ATXN7L1: variants seen among roughly 807,000 people sequenced by gnomAD.
The protein encoded by ATXN7L1 is ataxin 7 like 1.
A neutral mutation model predicts 70.8 loss-of-function variants in ATXN7L1; 15 were observed. The observed-to-expected ratio is 0.21, with a 90% CI of 0.14 to 0.33. ATXN7L1 has a LOEUF of 0.33. Ranked by LOEUF, ATXN7L1 falls within the 10% of genes least tolerant of loss-of-function variation. ATXN7L1 has a pLI of 1.00. For missense variants in ATXN7L1, 975 were observed against 1,097.1 expected, an observed-to-expected ratio of 0.89 and a Z score of 1.57; for synonymous variants, 440 against 445.1, an observed-to-expected ratio of 0.99 and a Z score of 0.14.
intron 2 of ATXN7L1, among the ~76,000 whole-genome samples, chr7:105,842,573 T>C (rs1057496): frequency 4.6e-5 from 7 of 152,230 alleles, no homozygotes; most frequent in Admixed American, 4.6e-4. Context: ...ATAATTCTCA[T>C]TGTAGGATAT....
chr7:105,827,207 T>G (rs1810995012), intron 2 of ATXN7L1, among the ~76,000 whole-genome samples: 1 of 152,210 alleles, frequency 6.6e-6, no homozygotes, highest in South Asian at 2.1e-4. Flanking sequence ...TGAAACTGAC[T>G]TCTCTTGTTG....
chr7:105,667,225 G>A (rs577073113), intron 3 of ATXN7L1, among the ~76,000 whole-genome samples: 3 of 152,328 alleles, frequency 2.0e-5, no homozygotes, highest in African/African-American at 7.2e-5. Context: ...GGCCAAAGGA[G>A]ACCCAGAGAG....
intron 2 of ATXN7L1, among the ~76,000 whole-genome samples, chr7:105,853,079 G>A (rs569099752): frequency 2.0e-5 from 3 of 152,222 alleles, no homozygotes; most frequent in African/African-American, 7.2e-5. Context: ...AGGCAGGAAT[G>A]GGGAATTATT....
At chr7:105,842,163 T>C (rs894551182) in intron 2 of ATXN7L1, among the ~76,000 whole-genome samples, 1 of 151,584 alleles carries the variant, frequency 6.6e-6, no homozygotes, top group Non-Finnish European at 1.5e-5. Flanking sequence ...ATGTATATTG[T>C]CATCTTACAG....
chr7:105,808,621 GAAAAC>G (rs1009952392), intron 2 of ATXN7L1, among the ~76,000 whole-genome samples: 1 of 152,200 alleles, frequency 6.6e-6, no homozygotes, highest in African/African-American at 2.4e-5. Flanking sequence ...TAAGAAGAGA[GAAAAC>G]AAAACAAAAA....
At chr7:105,732,391 C>T (rs141855396) in intron 3 of ATXN7L1, among the ~76,000 whole-genome samples, 52 of 151,982 alleles carry the variant, frequency 3.4e-4, no homozygotes, top group Non-Finnish European at 4.7e-4. Context: ...CCAGTCTGGG[C>T]GACAATAAAA....
intron 3 of ATXN7L1, among the ~76,000 whole-genome samples, chr7:105,755,852 G>A (rs957700326): frequency 6.6e-6 from 1 of 152,212 alleles, no homozygotes; most frequent in African/African-American, 2.4e-5. Context: ...GATGCTCTGC[G>A]TTGGGAGGGA....
intron 2 of ATXN7L1, among the ~76,000 whole-genome samples, chr7:105,839,759 G>A (rs1322573686): frequency 6.6e-6 from 1 of 152,172 alleles, no homozygotes; most frequent in African/African-American, 2.4e-5. Context: ...CACCTACTGA[G>A]CACCTACTAT....
intron 2 of ATXN7L1, among the ~76,000 whole-genome samples, chr7:105,836,812 G>A (rs572492650): frequency 1.6e-3 from 240 of 152,306 alleles, no homozygotes; most frequent in African/African-American, 5.6e-3. Context: ...TGTAATCCCA[G>A]CACTTTTGGG....
At chr7:105,610,779 G>T (rs1252314856) in intron 10 of ATXN7L1, among the ~76,000 whole-genome samples, 176 bp from the exon 11 acceptor site, 2 of 152,204 alleles carry the variant, frequency 1.3e-5, no homozygotes, top group Non-Finnish European at 2.9e-5. Context: ...TGTTGCAGAG[G>T]GTGCCTTGAG....
At chr7:105,658,523 CTTTTTTTTTTTT>C (rs36163594) in intron 4 of ATXN7L1, among the ~76,000 whole-genome samples, 96 of 107,398 alleles carry the variant, frequency 8.9e-4, no homozygotes, top group South Asian at 2.3e-3. Flanking sequence ...TGGCACATAA[CTTTTTTTTTTTT>C]TTTTTTTTTG....
At chr7:105,688,128 T>G (rs1480035221) in intron 3 of ATXN7L1, among the ~76,000 whole-genome samples, 2 of 152,112 alleles carry the variant, frequency 1.3e-5, no homozygotes, top group African/African-American at 2.4e-5. Flanking sequence ...GGCCCATGAC[T>G]CAAGATAATC....
chr7:105,837,343 A>C (rs1237998880), intron 2 of ATXN7L1, among the ~76,000 whole-genome samples: 1 of 152,160 alleles, frequency 6.6e-6, no homozygotes, highest in African/African-American at 2.4e-5. Context: ...CAATGCCCTA[A>C]GATGCACCAT....
rs1209251634 is a variant in ATXN7L1 at position 105,624,077 on chromosome 7, C to T, written c.1393G>A (p.Ala465Thr). The change falls in exon 8 of 12, where the codon GCG becomes ACG. Residue 465 changes from alanine to threonine, a missense_variant and splice_region_variant. Physicochemically the swap from Ala to Thr is moderately conservative, Grantham distance 58 (BLOSUM62 0). Coordinates refer to ENST00000419735, the MANE Select transcript of ATXN7L1 (RefSeq NM_020725.2). ...GCAAGGAACGGAAGGAGGCCTACCG[C>T]CAGAGGTCTGGGGTGGTGCGTGGAG... ...QFSTHHPRPL[A>T]FCSFGSRLMG... 3 of 1,418,130 alleles carry T rather than the reference C, an allele frequency of 2.1e-6. No individual in the cohort carries two copies. The highest frequency in any genetic ancestry group is 2.8e-6 in the Non-Finnish European group (3 of 1,071,892). 87.8% of individuals were successfully genotyped at this position (1,418,130 alleles called of 1,614,324 possible). A position where few individuals can be genotyped will look rare whatever the true frequency, so the allele number is the denominator to read the frequency against.
chr7:105,772,047 A>G (rs1802080007), intron 3 of ATXN7L1, among the ~76,000 whole-genome samples: 1 of 151,418 alleles, frequency 6.6e-6, no homozygotes, highest in Admixed American at 6.6e-5. Flanking sequence ...CTATTAAAAG[A>G]CAATATCAGA....
chr7:105,848,964 TA>T (rs1431030067), intron 2 of ATXN7L1, among the ~76,000 whole-genome samples: 1 of 152,146 alleles, frequency 6.6e-6, no homozygotes, highest in Non-Finnish European at 1.5e-5. Context: ...GGTCTGCCAC[TA>T]GCTATCACCC....
intron 4 of ATXN7L1, among the ~76,000 whole-genome samples, chr7:105,645,883 T>C (rs1798939458): frequency 6.6e-6 from 1 of 151,768 alleles, no homozygotes; most frequent in South Asian, 2.1e-4. Context: ...GGTGCATGCC[T>C]GTAATCCCAG....
chr7:105,694,577 G>A (rs1791464831), intron 3 of ATXN7L1, among the ~76,000 whole-genome samples: 1 of 152,226 alleles, frequency 6.6e-6, no homozygotes, highest in South Asian at 2.1e-4. Flanking sequence ...GCTTTCTGAT[G>A]TCCAATCCTG....
chr7:105,620,848 C>G (rs916634580), intron 8 of ATXN7L1, among the ~76,000 whole-genome samples: 2 of 148,918 alleles, frequency 1.3e-5, no homozygotes, highest in Non-Finnish European at 3.0e-5. Context: ...TGAGCTGAGA[C>G]TGTGCCACTG....
Sources: allele counts gnomAD v4.1 joint callset (sites outside exome capture counted in the v4.1 genomes callset), GRCh38; gene constraint gnomAD v4.1.1; transcripts MANE v1.5; gene names NCBI Gene and HGNC (gene_info 2026-07-23, HGNC 2026-07-21).